The following RARB variants were observed in gnomAD, a reference collection of about 807,000 sequenced individuals.
RARB encodes the protein HBV-activated protein.
Under a neutral mutation model 51.9 loss-of-function variants are expected in RARB, and 17 were observed. That is an observed-to-expected ratio of 0.33 (90% CI 0.22 to 0.49). The LOEUF (loss-of-function observed/expected upper bound fraction) is 0.49, where lower values mean the gene tolerates loss of function less well. Among genes scored for constraint, RARB ranks in the 20% least tolerant of loss-of-function variants. The probability of loss-of-function intolerance (pLI) is 0.99; values close to 1 mark genes in which losing one functional copy is unlikely to be tolerated. For synonymous variants in RARB, 215 were observed against 195.4 expected (o/e 1.10, Z -0.84); for missense variants, 369 against 550.8 (o/e 0.67, Z 3.30).
At chr3:25,460,587 A>G (rs974102179) in intron 1 of RARB, among the ~76,000 whole-genome samples, 1 of 151,972 alleles carries the variant, frequency 6.6e-6, no homozygotes, top group African/African-American at 2.4e-5. Flanking sequence ...AGCTGGGATT[A>G]CAGGCGCACA....
rs1416549573 is a variant in RARB at position 25,233,079 on chromosome 3, G to A, written c.178+58504G>A. ...CAACCTCTGTCTTCTGGGTTCCAGA[G>A]ATTTTGCTGCTTCAGCCTCCCAAGT... On this transcript the variant is annotated intron_variant, in intron 5 of 11. Coordinates refer to the RARB transcript ENST00000383772. Among the ~76,000 whole-genome samples, 4 of 148,452 alleles carry A rather than the reference G, an allele frequency of 2.7e-5. No individual in the cohort carries two copies. In the East Asian group the frequency reaches 6.1e-4, roughly 22 times the overall value.
intron 5 of RARB, among the ~76,000 whole-genome samples, chr3:25,355,283 G>GT (rs1467784333): frequency 6.6e-6 from 1 of 152,012 alleles, no homozygotes; most frequent in Non-Finnish European, 1.5e-5. Context: ...TTGTGGTTAG[G>GT]TTTGGGCGTG....
At chr3:24,996,233 A>C (rs901750014) in intron 2 of RARB, among the ~76,000 whole-genome samples, 12 of 151,952 alleles carry the variant, frequency 7.9e-5, no homozygotes, top group Non-Finnish European at 1.8e-4. Context: ...AGTTTTTCCA[A>C]TTTAATGGCC....
chr3:25,307,192 A>T (rs1024452447), intron 5 of RARB, among the ~76,000 whole-genome samples: 1 of 152,092 alleles, frequency 6.6e-6, no homozygotes, highest in Non-Finnish European at 1.5e-5. Context: ...CCTGGACAAC[A>T]TAGTGAACAT....
At chr3:25,151,024 G>C (rs1700279326) in intron 4 of RARB, among the ~76,000 whole-genome samples, 1 of 152,194 alleles carries the variant, frequency 6.6e-6, no homozygotes, top group Non-Finnish European at 1.5e-5. Flanking sequence ...AGTTGGCTCA[G>C]TGGCTCCATG....
At chr3:25,220,558 G>A (rs965797836) in intron 5 of RARB, among the ~76,000 whole-genome samples, 16 of 152,106 alleles carry the variant, frequency 1.1e-4, no homozygotes, top group African/African-American at 1.9e-4. Context: ...GGCAGTTTCC[G>A]CCCTGCTGTT....
chr3:25,039,503 G>A (rs947823027), intron 2 of RARB, among the ~76,000 whole-genome samples: 13 of 152,144 alleles, frequency 8.5e-5, no homozygotes, highest in East Asian at 1.9e-4. Context: ...AGGAAATAGG[G>A]CCACGGTAGT....
chr3:25,116,660 G>GCTA (rs1699692764), intron 3 of RARB, among the ~76,000 whole-genome samples: 1 of 151,960 alleles, frequency 6.6e-6, no homozygotes, highest in South Asian at 2.1e-4. Flanking sequence ...AGGATGTGAA[G>GCTA]CTACCATTGA....
intron 2 of RARB, among the ~76,000 whole-genome samples, chr3:24,901,376 C>T (rs1349390786): frequency 1.3e-5 from 2 of 151,970 alleles, no homozygotes; most frequent in Non-Finnish European, 2.9e-5. Context: ...CAGAACAAAC[C>T]CCAAACCTAT....
At chr3:25,277,547 G>A (rs1703425259) in intron 5 of RARB, among the ~76,000 whole-genome samples, 1 of 152,182 alleles carries the variant, frequency 6.6e-6, no homozygotes, top group Non-Finnish European at 1.5e-5. Flanking sequence ...AGAGTAAAAT[G>A]AGCAAAATAA....
At chr3:25,127,524 T>C (rs558832313) in intron 3 of RARB, among the ~76,000 whole-genome samples, 1 of 152,162 alleles carries the variant, frequency 6.6e-6, no homozygotes, top group Non-Finnish European at 1.5e-5. Flanking sequence ...TACCACTGTC[T>C]GAAAGTACCA....
chr3:25,174,085 G>C (rs7625082), intron 4 of RARB: 2,135 of 179,176 alleles, frequency 0.012, 49 homozygotes, highest in African/African-American at 0.047. Context: ...GAGATTTTTT[G>C]TGATATATAT....
At chr3:25,222,577 A>G (rs1701970522) in intron 5 of RARB, among the ~76,000 whole-genome samples, 1 of 152,208 alleles carries the variant, frequency 6.6e-6, no homozygotes, top group South Asian at 2.1e-4. Context: ...ATTAAAAACA[A>G]GGCTAATAGA....
At chr3:25,236,376 G>A (rs754236153) in intron 5 of RARB, among the ~76,000 whole-genome samples, 3 of 152,142 alleles carry the variant, frequency 2.0e-5, no homozygotes, top group Admixed American at 6.6e-5. Context: ...AATAGCAGAT[G>A]ATTAATTTGT....
At chr3:24,924,437 C>T (rs1695275868) in intron 2 of RARB, among the ~76,000 whole-genome samples, 1 of 152,192 alleles carries the variant, frequency 6.6e-6, no homozygotes, top group Non-Finnish European at 1.5e-5. Flanking sequence ...ATCTGTGCTC[C>T]TCAGTATGGT....
At chr3:25,579,331 A>G (rs1385573125) in intron 4 of RARB, among the ~76,000 whole-genome samples, 1 of 152,182 alleles carries the variant, frequency 6.6e-6, no homozygotes, top group South Asian at 2.1e-4. Context: ...GAATATTTCC[A>G]TTGCTCCAGA....
intron 2 of RARB, among the ~76,000 whole-genome samples, chr3:25,498,135 G>A (rs1223708923): frequency 2.6e-5 from 4 of 152,080 alleles, no homozygotes; most frequent in Non-Finnish European, 5.9e-5. Flanking sequence ...ATTGACAGTT[G>A]GTCTGGTTTT....
chr3:25,266,791 C>A (rs1181350684), intron 5 of RARB, among the ~76,000 whole-genome samples: 2 of 152,168 alleles, frequency 1.3e-5, no homozygotes, highest in South Asian at 2.1e-4. Context: ...TCTCTCCCTG[C>A]CATATAAGGA....
exon 5 of RARB, chr3:25,174,363 C>T (rs775894333): frequency 2.5e-5 from 34 of 1,347,038 alleles, no homozygotes; most frequent in South Asian, 4.6e-5. Flanking sequence ...TGTGTTCCTG[C>T]TCCAGAGCAC....
Sources: allele counts gnomAD v4.1 joint callset (sites outside exome capture counted in the v4.1 genomes callset), GRCh38; gene constraint gnomAD v4.1.1; transcripts MANE v1.5; gene names NCBI Gene and HGNC (gene_info 2026-07-23, HGNC 2026-07-21).